LUZP2: variants seen among roughly 807,000 people sequenced by gnomAD.
LUZP2 encodes the protein leucine zipper protein 2.
Under a neutral mutation model 51.6 loss-of-function variants are expected in LUZP2, and 52 were observed. The observed-to-expected ratio is 1.01, with a 90% CI of 0.81 to 1.27. LUZP2 has a LOEUF of 1.27. LUZP2 is among the 50% of genes most tolerant of loss of function. LUZP2 has a pLI of 0.00. For synonymous variants in LUZP2, 154 were observed against 137.3 expected (o/e 1.12, Z -0.85); for missense variants, 436 against 395.4 (o/e 1.10, Z -0.87).
chr11:24,926,390 CGTGTGTATATATATATACGT>C (rs1565119599), intron 7 of LUZP2, among the ~76,000 whole-genome samples: 10 of 7,388 alleles, frequency 1.4e-3, no homozygotes, highest in African/African-American at 4.1e-3. Flanking sequence ...TATATATATA[CGTGTGTATATATATATACGT>C]GTGTATATAT....
intron 8 of LUZP2, among the ~76,000 whole-genome samples, chr11:24,977,675 A>G (rs879619023): frequency 5.3e-5 from 8 of 151,722 alleles, no homozygotes; most frequent in African/African-American, 1.2e-4. Context: ...ATATGTATGT[A>G]TACATACATT....
At chr11:24,533,903 TCTC>T (rs1481871717) in intron 1 of LUZP2, among the ~76,000 whole-genome samples, 1 of 151,266 alleles carries the variant, frequency 6.6e-6, no homozygotes, top group Non-Finnish European at 1.5e-5. Flanking sequence ...CCCTTCTCTA[TCTC>T]CTCAACATGA....
chr11:24,723,484 G>GA (rs1858355651), intron 1 of LUZP2, among the ~76,000 whole-genome samples: 1 of 152,130 alleles, frequency 6.6e-6, no homozygotes, highest in African/African-American at 2.4e-5. Flanking sequence ...ATCAACACTA[G>GA]AAAAAATTGC....
intron 9 of LUZP2, among the ~76,000 whole-genome samples, chr11:24,997,290 G>T (rs1856534066): frequency 6.6e-6 from 1 of 152,078 alleles, no homozygotes; most frequent in South Asian, 2.1e-4. Flanking sequence ...GTTGTTTCCT[G>T]ACTTTTTAAT....
intron 5 of LUZP2, among the ~76,000 whole-genome samples, chr11:24,863,446 C>T (rs943481088): frequency 3.3e-5 from 5 of 152,020 alleles, no homozygotes; most frequent in Non-Finnish European, 7.4e-5. Context: ...AGAATCCATT[C>T]ATATAAGACC....
intron 1 of LUZP2, among the ~76,000 whole-genome samples, chr11:24,569,547 C>G (rs926510424): frequency 7.2e-5 from 11 of 151,966 alleles, no homozygotes; most frequent in Non-Finnish European, 1.6e-4. Context: ...TCTCTTTCAT[C>G]AGATAACTCA....
chr11:24,726,741 A>G (rs1169705416), intron 1 of LUZP2, among the ~76,000 whole-genome samples: 1 of 152,106 alleles, frequency 6.6e-6, no homozygotes, highest in African/African-American at 2.4e-5. Flanking sequence ...ATAGACATGG[A>G]AAGTGCTCTA....
rs981254705 is a variant in LUZP2, at chr11:24,963,788, G to C, written c.523-12803G>C. ...CTGCATCCACTGACCTGCGCCCACT[G>C]TCTGGCACTCCCTAGTGAGATGAAC... On this transcript the variant is annotated intron_variant, in intron 7 of 11. Transcript: ENST00000336930. Among the ~76,000 whole-genome samples, 5 of 152,216 alleles carry C rather than the reference G, an allele frequency of 3.3e-5. 1 individual carries two copies. Among genetic ancestry groups the C allele is most frequent in the African/African-American group, 7.2e-5 (3 of 41,536 alleles).
intron 7 of LUZP2, among the ~76,000 whole-genome samples, chr11:24,930,044 G>A (rs1019044612): frequency 3.9e-5 from 6 of 152,088 alleles, no homozygotes; most frequent in Admixed American, 3.9e-4. Flanking sequence ...TATAAGAATA[G>A]CTACTGTTGT....
In LUZP2 at chr11:24,912,065, A is replaced by G. The variant is rs572854598; in HGVS notation, c.460-2411A>G. Among the ~76,000 whole-genome samples, 5 of 152,158 alleles carry G rather than the reference A, an allele frequency of 3.3e-5. No homozygotes were observed. The South Asian group carries it at 6.2e-4, about 19-fold the overall frequency. ...AGTTAAGTGATACAGAATTATTAAC[A>G]TATCTCACTCTTAACTTACCCTTCC... On this transcript the variant is annotated intron_variant, in intron 6 of 11. Transcript: ENST00000336930.
intron 10 of LUZP2, among the ~76,000 whole-genome samples, chr11:25,051,957 C>T (rs962865007): frequency 2.6e-5 from 4 of 152,042 alleles, no homozygotes; most frequent in Non-Finnish European, 2.9e-5. Flanking sequence ...GTGTTGTTCT[C>T]CTTTGTCAGG....
chr11:24,757,722 T>C (rs1793550243), intron 4 of LUZP2, among the ~76,000 whole-genome samples: 1 of 151,680 alleles, frequency 6.6e-6, no homozygotes, highest in Non-Finnish European at 1.5e-5. Flanking sequence ...AATAAAAGAC[T>C]CAAATGTTAA....
intron 1 of LUZP2, among the ~76,000 whole-genome samples, chr11:24,590,700 A>G (rs1479337984): frequency 6.6e-6 from 1 of 152,172 alleles, no homozygotes; most frequent in Non-Finnish European, 1.5e-5. Context: ...GCAGCACTTC[A>G]AAAAGGTAGC....
rs976284413 is a variant in LUZP2 at position 24,775,648 on chromosome 11, C to T, written c.396+12340C>T. Among the ~76,000 whole-genome samples, 30 of 152,026 alleles carry T rather than the reference C, an allele frequency of 2.0e-4. 1 individual carries two copies. The highest frequency in any genetic ancestry group is 2.0e-3 in the Admixed American group (30 of 15,266). The stretch of plus-strand genomic sequence containing the variant: ...ATCAATTAATTTCACTCATTAATTT[C>T]CTGCAGCAGAATGTTGGCTAGGATA... On this transcript the variant is annotated intron_variant, in intron 5 of 11. Coordinates refer to ENST00000336930, the MANE Select transcript of LUZP2 (RefSeq NM_001009909.4).
chr11:24,858,012 T>C (rs1337781571), intron 5 of LUZP2, among the ~76,000 whole-genome samples: 1 of 152,108 alleles, frequency 6.6e-6, no homozygotes, highest in Non-Finnish European at 1.5e-5. Context: ...CTTTTTTTTA[T>C]TTTTTAATCT....
At chr11:25,008,080 G>A (rs1167363485) in intron 9 of LUZP2, among the ~76,000 whole-genome samples, 3 of 152,174 alleles carry the variant, frequency 2.0e-5, no homozygotes, top group African/African-American at 4.8e-5. Flanking sequence ...ATGGAAATCT[G>A]TGTGACCAGT....
chr11:24,814,612 C>G (rs1289387255), intron 5 of LUZP2, among the ~76,000 whole-genome samples: 1 of 152,136 alleles, frequency 6.6e-6, no homozygotes, highest in Admixed American at 6.6e-5. Context: ...AGCTAAAGTT[C>G]CAGATGACTT....
At chr11:24,663,464 C>G (rs1230910434) in intron 1 of LUZP2, among the ~76,000 whole-genome samples, 3 of 152,108 alleles carry the variant, frequency 2.0e-5, no homozygotes, top group Non-Finnish European at 2.9e-5. Context: ...TCATAAATTA[C>G]CCAGTCTGAG....
intron 7 of LUZP2, among the ~76,000 whole-genome samples, chr11:24,945,296 A>T (rs1327233429): frequency 6.6e-6 from 1 of 152,226 alleles, no homozygotes; most frequent in Non-Finnish European, 1.5e-5. Context: ...ATACAGAGAG[A>T]TGTTTCCAAC....
Sources: allele counts gnomAD v4.1 joint callset (sites outside exome capture counted in the v4.1 genomes callset), GRCh38; gene constraint gnomAD v4.1.1; transcripts MANE v1.5; gene names NCBI Gene and HGNC (gene_info 2026-07-23, HGNC 2026-07-21).